Variants in PDE9A observed in about 807,000 individuals in gnomAD.
PDE9A encodes high affinity cGMP-specific 3',5'-cyclic phosphodiesterase 9A.
A neutral mutation model predicts 87.4 loss-of-function variants in PDE9A; 60 were observed. That is an observed-to-expected ratio of 0.69 (90% CI 0.56 to 0.85). PDE9A has a LOEUF of 0.85. PDE9A is among the 40% of genes least tolerant of loss of function. The pLI is 0.00. For synonymous variants in PDE9A, 272 were observed against 279.4 expected (o/e 0.97, Z 0.27); for missense variants, 665 against 779.0 (o/e 0.85, Z 1.74).
chr21:42,678,921 AG>A (rs1042826599), intron 1 of PDE9A, among the ~76,000 whole-genome samples: 3 of 152,246 alleles, frequency 2.0e-5, no homozygotes, highest in African/African-American at 7.2e-5. Context: ...GCTGAAGCCC[AG>A]TGGACTCCCG....
chr21:42,702,655 C>T lies in PDE9A; in HGVS notation c.262+3644C>T, dbSNP rs572618117. Among the ~76,000 whole-genome samples, 37 of 152,300 alleles carry T rather than the reference C, an allele frequency of 2.4e-4. No homozygotes were observed. Among genetic ancestry groups the T allele is most frequent in the African/African-American group, 8.4e-4 (35 of 41,560 alleles). On this transcript the variant is annotated intron_variant, in intron 4 of 19. Coordinates refer to ENST00000291539, the MANE Select transcript of PDE9A (RefSeq NM_002606.3). The surrounding 1 kb of genome is among the most constrained non-coding windows in gnomAD (Gnocchi z 4.9). ...GCACATCAGTTTGATGCCTTTGAGCCCCACCTTTAAGCTTTGTGAGAATGG... is the reference window on the plus strand; with the variant it reads ...GCACATCAGTTTGATGCCTTTGAGCTCCACCTTTAAGCTTTGTGAGAATGG...
intron 7 of PDE9A, among the ~76,000 whole-genome samples, chr21:42,740,704 G>GTAGATAGATAGATAGATAGATAGA (rs58108928): frequency 7.5e-6 from 1 of 133,346 alleles, no homozygotes; most frequent in Non-Finnish European, 1.6e-5. Context: ...TAGGTAGGTA[G>GTAGATAGATAGATAGATAGATAGA]TAGATAGATA....
At chr21:42,730,157 T>C (rs942304498) in intron 4 of PDE9A, among the ~76,000 whole-genome samples, 2 of 152,184 alleles carry the variant, frequency 1.3e-5, no homozygotes, top group Non-Finnish European at 2.9e-5. Flanking sequence ...CTATGATGAT[T>C]CTTGTTGATG....
chr21:42,688,058 T>C, intron 3 of PDE9A, 64 bp downstream of exon 3: 1 of 1,308,596 alleles, frequency 7.6e-7, no homozygotes, highest in Non-Finnish European at 1.1e-6. Flanking sequence ...CATGGGAGGC[T>C]TTCTGTGATT....
At chr21:42,654,682 A>G (rs2056916391) in intron 1 of PDE9A, among the ~76,000 whole-genome samples, 1 of 152,172 alleles carries the variant, frequency 6.6e-6, no homozygotes, top group South Asian at 2.1e-4. Context: ...ACTCCACTGA[A>G]GGAGGCCAGG....
intron 1 of PDE9A, among the ~76,000 whole-genome samples, chr21:42,677,031 G>A (rs941634924): frequency 6.6e-5 from 10 of 152,164 alleles, no homozygotes; most frequent in Non-Finnish European, 1.2e-4. Flanking sequence ...AGCAGAGCCC[G>A]CTCTTCCCTC....
rs572907217 is a variant in PDE9A, at chr21:42,695,216, C to A, written c.219-3752C>A. ...AATTGATGACTAAACAACCTAACGA[C>A]CAACAAATATAAAAAGTCATAGCCC... On this transcript the variant is annotated intron_variant, in intron 3 of 19. Transcript: ENST00000291539. This position sits in a 1 kb window ranked among gnomAD's most constrained non-coding sequence, Gnocchi z 4.3. Among the ~76,000 whole-genome samples the A allele has an allele frequency of 1.2e-4, 19 of 152,338 alleles. No individual in the cohort carries two copies. Among genetic ancestry groups the A allele is most frequent in the African/African-American group, 4.3e-4 (18 of 41,582 alleles).
Position 42,692,480 on chromosome 21 carries a change from C to G in PDE9A, c.218+4486C>G, listed in dbSNP as rs1424761674. Among the ~76,000 whole-genome samples the G allele has an allele frequency of 1.3e-5, 2 of 152,192 alleles. No homozygotes were observed. The highest frequency in any genetic ancestry group is 4.8e-5 in the African/African-American group (2 of 41,452). ...TGTGCTCTGTCGCTGTCCTCTCACC[C>G]TCCCCCAATCTTCCAACCTAGTAGT... On this transcript the variant is annotated intron_variant, in intron 3 of 19. Coordinates refer to ENST00000291539, the MANE Select transcript of PDE9A (RefSeq NM_002606.3). The surrounding 1 kb of genome is among the most constrained non-coding windows in gnomAD (Gnocchi z 4.3).
In PDE9A at chr21:42,760,539, G is replaced by A. The variant is rs566865914; in HGVS notation, c.1002+107G>A. On this transcript the variant is annotated intron_variant, in intron 12 of 19. Transcript: ENST00000291539. The surrounding 1 kb of genome is among the most constrained non-coding windows in gnomAD (Gnocchi z 5.2). ...CCCACCAAGAGAGCCACAGGCGTGG[G>A]GTCCCCAGCCGCTCCGCCCCTCCTA... 7.9e-4 allele frequency: 567 copies of A among 720,880 alleles called. 1 individual carries two copies. Among genetic ancestry groups the A allele is most frequent in the Non-Finnish European group, 1.0e-3 (433 of 422,144 alleles). 44.7% of individuals were successfully genotyped at this position (720,880 alleles called of 1,614,324 possible). A position where few individuals can be genotyped will look rare whatever the true frequency, so the allele number is the denominator to read the frequency against.
At position 42,768,950 on chromosome 21, in the gene PDE9A, T is replaced by G. The variant is rs2056652397; in HGVS notation, c.1462-77T>G. 6 of 1,523,290 alleles carry G rather than the reference T, an allele frequency of 3.9e-6. No homozygotes were observed. In the South Asian group the frequency reaches 7.7e-5, roughly 20 times the overall value. 94.4% of individuals were successfully genotyped at this position (1,523,290 alleles called of 1,614,324 possible). A position where few individuals can be genotyped will look rare whatever the true frequency, so the allele number is the denominator to read the frequency against. On this transcript the variant is annotated intron_variant, in intron 16 of 19. Transcript: ENST00000291539. The stretch of plus-strand genomic sequence containing the variant: ...TGGTTGGTGGTTAACTGGCGCATCT[T>G]GTCTTTCTCTGAGAACAGCGATCTG...
Position 42,760,945 on chromosome 21 carries a change from G to C in PDE9A, c.1085+38G>C. ...TTTTCTCTTTTTTTCCTTTTAAAAGGCACCCTGGCTACTGGAGGGAACCTG... is the reference window on the plus strand; with the variant it reads ...TTTTCTCTTTTTTTCCTTTTAAAAGCCACCCTGGCTACTGGAGGGAACCTG... On this transcript the variant is annotated intron_variant, in intron 13 of 19. Coordinates refer to ENST00000291539, the MANE Select transcript of PDE9A (RefSeq NM_002606.3). This position sits in a 1 kb window ranked among gnomAD's most constrained non-coding sequence, Gnocchi z 5.2. The C allele has an allele frequency of 7.3e-7, 1 of 1,365,466 alleles. No individual in the cohort carries two copies. The highest frequency in any genetic ancestry group is 1.4e-5 in the African/African-American group (1 of 70,212). The allele number at this position is 1,365,466 out of a possible 1,614,324, so 84.6% of individuals were successfully genotyped here.
chr21:42,743,891 G>A lies in PDE9A; in HGVS notation c.653+31G>A, dbSNP rs372222412. On this transcript the variant is annotated intron_variant, in intron 8 of 19. Coordinates refer to ENST00000291539, the MANE Select transcript of PDE9A (RefSeq NM_002606.3). ...GTCTGCGCTGGGGCCACGGGCGGCC[G>A]GGCCTGGGGAGGGCTCCCCGTACCA... is the stretch of plus-strand genomic sequence containing the variant. The A allele has an allele frequency of 4.3e-5, 60 of 1,386,966 alleles. No homozygotes were observed. The East Asian group carries it at 1.0e-3, about 24-fold the overall frequency. 85.9% of individuals were successfully genotyped at this position (1,386,966 alleles called of 1,614,324 possible). A position where few individuals can be genotyped will look rare whatever the true frequency, so the allele number is the denominator to read the frequency against.
Position 42,673,696 on chromosome 21 carries a change from G to A in PDE9A, c.70-12496G>A, listed in dbSNP as rs1337170477. Among the ~76,000 whole-genome samples the A allele has an allele frequency of 5.9e-5, 9 of 152,322 alleles. 1 individual carries two copies. Among genetic ancestry groups the A allele is most frequent in the African/African-American group, 1.9e-4 (8 of 41,576 alleles). ...TGGGGGTTCGAGGTGGCAGCTATAG[G>A]CTCACATTAGTGTCTGCATCACTTT... is the stretch of plus-strand genomic sequence containing the variant. On this transcript the variant is annotated intron_variant, in intron 1 of 19. Coordinates refer to ENST00000291539, the MANE Select transcript of PDE9A (RefSeq NM_002606.3).
At position 42,704,768 on chromosome 21, in the gene PDE9A, G is replaced by C. The variant is rs549934719; in HGVS notation, c.262+5757G>C. ...GCTCAGGGGGTGGGGGGTGGGGGCA[G>C]GGTGCAGGGAGGCCAACGCCACACA... is the stretch of plus-strand genomic sequence containing the variant. On this transcript the variant is annotated intron_variant, in intron 4 of 19. Transcript: ENST00000291539. This position sits in a 1 kb window ranked among gnomAD's most constrained non-coding sequence, Gnocchi z 5.3. Among the ~76,000 whole-genome samples, 161 of 152,260 alleles carry C rather than the reference G, an allele frequency of 1.1e-3. No homozygotes were observed. The highest frequency in any genetic ancestry group is 3.8e-3 in the African/African-American group (156 of 41,550).
At position 42,732,155 on chromosome 21, in the gene PDE9A, A is replaced by G. The variant is rs371705688; in HGVS notation, c.497+31A>G. ...GAGTCTTCTAAACTTACAACCAGCC[A>G]GAGATGGGCACATCTTTCTCTAAGA... On this transcript the variant is annotated intron_variant, in intron 6 of 19. Coordinates refer to ENST00000291539, the MANE Select transcript of PDE9A (RefSeq NM_002606.3). 24 of 1,597,716 alleles carry G rather than the reference A, an allele frequency of 1.5e-5. No homozygotes were observed. In the African/African-American group the frequency reaches 2.7e-4, roughly 18 times the overall value.
rs754802526 is a variant in PDE9A, at chr21:42,733,369, A to G, written c.511A>G (p.Asn171Asp). Residue 171 changes from asparagine (N) to aspartate (D), a missense_variant, in exon 7 of 20, where the codon AAT becomes GAT. Asn to Asp is a conservative substitution (Grantham distance 23). Coordinates refer to ENST00000291539, the MANE Select transcript of PDE9A (RefSeq NM_002606.3). ...AEQFSRAFKINELKAEVANHL... is the reference protein window; with the variant it reads ...AEQFSRAFKIDELKAEVANHL... ...TTTCATTCCTAGAGCATTCAAAATC[A>G]ATGAACTGAAAGCTGAAGTTGCAAA... 5.0e-6 allele frequency: 8 copies of G among 1,591,216 alleles called. No homozygotes were observed. Among genetic ancestry groups the G allele is most frequent in the Non-Finnish European group, 6.9e-6 (8 of 1,159,048 alleles).
chr21:42,760,827 G>A lies in PDE9A; in HGVS notation c.1005G>A (p.Glu335=), dbSNP rs1393591304. ...CTACGCCCTGTTTTCCAATCCAGGAGAAGTTCTCACAAACGGATATCCTGA... is the reference window on the plus strand; with the variant it reads ...CTACGCCCTGTTTTCCAATCCAGGAAAAGTTCTCACAAACGGATATCCTGA... The part of the protein sequence containing the change: ...YSMVWLCSLQ[E]KFSQTDILIL... The change falls in exon 13 of 20, where the codon GAG becomes GAA. Residue 335 remains glutamate, a splice_region_variant and synonymous_variant. Coordinates refer to ENST00000291539, the MANE Select transcript of PDE9A (RefSeq NM_002606.3). This position sits in a 1 kb window ranked among gnomAD's most constrained non-coding sequence, Gnocchi z 5.2. The A allele has an allele frequency of 6.2e-7, 1 of 1,601,806 alleles. No homozygotes were observed. Among genetic ancestry groups the A allele is most frequent in the East Asian group, 2.2e-5 (1 of 44,808 alleles).
intron 8 of PDE9A, among the ~76,000 whole-genome samples, chr21:42,747,959 G>A (rs2054038866): frequency 6.6e-6 from 1 of 152,226 alleles, no homozygotes; most frequent in Non-Finnish European, 1.5e-5. Context: ...TGAAGACGCT[G>A]GTTCCCGTGG....
intron 1 of PDE9A, among the ~76,000 whole-genome samples, chr21:42,677,245 G>A (rs776035493): frequency 2.0e-4 from 31 of 152,234 alleles, no homozygotes; most frequent in African/African-American, 4.6e-4. Context: ...TGTAAAAATT[G>A]TTGCTAAGGC....
Sources: gnomAD v4.1 joint callset for allele counts (sites outside exome capture counted in the v4.1 genomes callset) on GRCh38, gnomAD v4.1.1 for gene constraint, Gnocchi (gnomAD v3.1) non-coding constraint, MANE v1.5 for transcripts, NCBI Gene and HGNC (gene_info 2026-07-23, HGNC 2026-07-21) for gene names.